The following KIF26B variants were observed in gnomAD, a reference collection of about 807,000 sequenced individuals.
KIF26B encodes kinesin-like protein KIF26B.
Under a neutral mutation model 151.2 loss-of-function variants are expected in KIF26B, and 63 were observed. The observed-to-expected ratio is 0.42, with a 90% CI of 0.34 to 0.51. The LOEUF (loss-of-function observed/expected upper bound fraction) is 0.51, where lower values mean the gene tolerates loss of function less well. KIF26B is among the 20% of genes least tolerant of loss of function. The pLI is 0.07. For synonymous variants in KIF26B, 1,357 were observed against 1,262.1 expected, an observed-to-expected ratio of 1.08 and a Z score of -1.59; for missense variants, 2,813 against 2,913.6, an observed-to-expected ratio of 0.97 and a Z score of 0.79.
chr1:245,242,720 C>G (rs772727807), intron 2 of KIF26B, among the ~76,000 whole-genome samples: 1 of 152,068 alleles, frequency 6.6e-6, no homozygotes, highest in African/African-American at 2.4e-5. Context: ...GGCGTGATCT[C>G]GGCTCACTGC....
intron 7 of KIF26B, 60 bp downstream of exon 7, chr1:245,607,804 CCT>C (rs2103150878): frequency 1.6e-6 from 2 of 1,283,448 alleles, no homozygotes; most frequent in South Asian, 1.3e-5. Context: ...CCCATGCATT[CCT>C]CTGTCTCCCT....
chr1:245,290,420 C>T (rs1193914787), intron 2 of KIF26B, among the ~76,000 whole-genome samples: 6 of 152,168 alleles, frequency 3.9e-5, no homozygotes, highest in East Asian at 1.9e-4. Flanking sequence ...AGATCAGAAC[C>T]GAGGGTTGCT....
chr1:245,194,562 G>C (rs986954469), intron 2 of KIF26B, among the ~76,000 whole-genome samples: 3 of 152,074 alleles, frequency 2.0e-5, no homozygotes, highest in Non-Finnish European at 4.4e-5. Flanking sequence ...ATTTTTAGTA[G>C]AGATGGGGTT....
intron 4 of KIF26B, among the ~76,000 whole-genome samples, chr1:245,447,159 G>A (rs1013568131): frequency 6.6e-6 from 1 of 152,172 alleles, no homozygotes; most frequent in African/African-American, 2.4e-5. Flanking sequence ...CCTTCCTGGT[G>A]TGCTTGCTGC....
intron 5 of KIF26B, among the ~76,000 whole-genome samples, chr1:245,551,145 A>C (rs78522750): frequency 0.011 from 1,603 of 152,290 alleles, 84 homozygotes; most frequent in Admixed American, 0.084. Context: ...TCCTGAGCTC[A>C]GGGGATCCTC....
intron 2 of KIF26B, among the ~76,000 whole-genome samples, chr1:245,345,840 C>T (rs2102998078): frequency 6.6e-6 from 1 of 152,196 alleles, no homozygotes; most frequent in East Asian, 1.9e-4. Context: ...CAGATGCCAC[C>T]ATGCTTCCTG....
Position 245,361,272 on chromosome 1 carries a change from C to A in KIF26B, c.466-5562C>A, listed in dbSNP as rs188279643. 3.2e-3 allele frequency among the ~76,000 whole-genome samples: 481 copies of A among 152,358 alleles called. 1 individual carries two copies. Among genetic ancestry groups the A allele is most frequent in the Non-Finnish European group, 4.2e-3 (285 of 68,046 alleles). On this transcript the variant is annotated intron_variant, in intron 2 of 14. Transcript: ENST00000407071. The stretch of plus-strand genomic sequence containing the variant: ...ACGGAAGTCATTCATGGGATCGCCT[C>A]TCCCTGCAGTAATCCAGAGCAGAAT...
At chr1:245,291,496 T>C (rs1201972230) in intron 2 of KIF26B, among the ~76,000 whole-genome samples, 1 of 152,214 alleles carries the variant, frequency 6.6e-6, no homozygotes, top group Non-Finnish European at 1.5e-5. Flanking sequence ...GACCCAAGCA[T>C]GCAGGCCTTG....
At chr1:245,278,876 A>G (rs1248793459) in intron 2 of KIF26B, among the ~76,000 whole-genome samples, 3 of 152,190 alleles carry the variant, frequency 2.0e-5, no homozygotes, top group African/African-American at 7.2e-5. Flanking sequence ...TCTTGGATGG[A>G]TGAAGTACCA....
chr1:245,423,934 G>A (rs1658561900), intron 4 of KIF26B, among the ~76,000 whole-genome samples: 1 of 152,068 alleles, frequency 6.6e-6, no homozygotes. Context: ...AGCCTCCCGG[G>A]CTCAAGCGAT....
At chr1:245,662,327 T>TCA (rs2044155298) in intron 10 of KIF26B, among the ~76,000 whole-genome samples, 1 of 83,914 alleles carries the variant, frequency 1.2e-5, no homozygotes, top group African/African-American at 4.8e-5. Flanking sequence ...ACACACCTAA[T>TCA]GATATATACA....
At chr1:245,590,968 C>T (rs914399395) in intron 5 of KIF26B, among the ~76,000 whole-genome samples, 2 of 151,238 alleles carry the variant, frequency 1.3e-5, no homozygotes, top group Non-Finnish European at 2.9e-5. Flanking sequence ...TCTGTCTCAG[C>T]TCTGTGAGTG....
chr1:245,435,130 CCCATCCATCCATCCATCCATCCATCCAT>C (rs34535359), intron 4 of KIF26B, among the ~76,000 whole-genome samples: 1 of 145,108 alleles, frequency 6.9e-6, no homozygotes, highest in Non-Finnish European at 1.5e-5. Flanking sequence ...TCTCCATCTA[CCCATCCATCCATCCATCCATCCATCCAT>C]CCATCCATCC....
chr1:245,176,322 A>G (rs1253616112), intron 2 of KIF26B, among the ~76,000 whole-genome samples: 3 of 152,128 alleles, frequency 2.0e-5, no homozygotes, highest in Admixed American at 2.0e-4. Flanking sequence ...CCTGGCCTTC[A>G]AAACATATTT....
At position 245,702,261 on chromosome 1, in the gene KIF26B, C is replaced by T. The variant is rs1438334441; in HGVS notation, c.6179-197C>T. Among the ~76,000 whole-genome samples the T allele has an allele frequency of 2.0e-5, 3 of 152,158 alleles. No individual in the cohort carries two copies. Among genetic ancestry groups the T allele is most frequent in the African/African-American group, 7.2e-5 (3 of 41,426 alleles). On this transcript the variant is annotated intron_variant, in intron 14 of 14. Transcript: ENST00000407071. The surrounding 1 kb of genome is among the most constrained non-coding windows in gnomAD (Gnocchi z 4.1). The stretch of plus-strand genomic sequence containing the variant: ...AGAAAAAACCTTAAGGATCTAAATA[C>T]TGGTAAAGAGTGTTCCTTTCAACCC...
At chr1:245,326,312 G>A (rs1671990475) in intron 2 of KIF26B, among the ~76,000 whole-genome samples, 1 of 152,190 alleles carries the variant, frequency 6.6e-6, no homozygotes. Context: ...AACAGAAACA[G>A]CATTAACATG....
rs1338066852 is a variant in KIF26B, at chr1:245,270,298, TCCA to T, written c.466-96535_466-96533del. Among the ~76,000 whole-genome samples the T allele has an allele frequency of 5.3e-4, 30 of 56,638 alleles. 11 individuals carry two copies. Among genetic ancestry groups the T allele is most frequent in the East Asian group, 1.5e-3 (2 of 1,378 alleles). The allele number at this position is 56,638 out of a possible 152,430, so 37.2% of individuals were successfully genotyped here. On this transcript the variant is annotated intron_variant, in intron 2 of 14. Transcript: ENST00000407071. ...CTTTCCTTCTTTCCTTCCCTTCCCTTCCATCTTCCCTTCCCCTCCTTCACTTCC... is the reference window on the plus strand; with the variant it reads ...CTTTCCTTCTTTCCTTCCCTTCCCTTTCTTCCCTTCCCCTCCTTCACTTCC...
intron 2 of KIF26B, among the ~76,000 whole-genome samples, chr1:245,301,853 T>C (rs1388724166): frequency 2.6e-5 from 4 of 152,202 alleles, no homozygotes; most frequent in African/African-American, 9.6e-5. Flanking sequence ...GTGTGAAGAT[T>C]GCAACCTCCA....
intron 3 of KIF26B, among the ~76,000 whole-genome samples, chr1:245,389,275 G>A (rs566138520): frequency 1.2e-4 from 19 of 152,132 alleles, no homozygotes; most frequent in East Asian, 1.9e-4. Flanking sequence ...CATCATGCCC[G>A]GCTAATTTTG....
Sources: allele counts gnomAD v4.1 joint callset (sites outside exome capture counted in the v4.1 genomes callset), GRCh38; gene constraint gnomAD v4.1.1; non-coding constraint Gnocchi (gnomAD v3.1); transcripts MANE v1.5; gene names NCBI Gene and HGNC (gene_info 2026-07-23, HGNC 2026-07-21).